The following IQCJ variants were observed in gnomAD, a reference collection of about 807,000 sequenced individuals.
IQCJ encodes IQ domain-containing protein J.
Under a neutral mutation model 11.0 loss-of-function variants are expected in IQCJ, and 9 were observed. The observed-to-expected ratio is 0.82, with a 90% CI of 0.49 to 1.43. The LOEUF (loss-of-function observed/expected upper bound fraction) is 1.43. IQCJ is among the 40% of genes most tolerant of loss of function. IQCJ has a pLI of 0.00. For synonymous variants in IQCJ, 55 were observed against 51.3 expected (o/e 1.07, Z -0.31); for missense variants, 146 against 133.2 (o/e 1.10, Z -0.47).
chr3:159,108,006 C>CAAAAAAAAAAAAAAAA (rs367862873), intron 1 of IQCJ, among the ~76,000 whole-genome samples: 2 of 100,944 alleles, frequency 2.0e-5, no homozygotes, highest in Non-Finnish European at 3.7e-5. Context: ...TATGGTTTTC[C>CAAAAAAAAAAAAAAAA]AAAAAAAAAA....
intron 1 of IQCJ, among the ~76,000 whole-genome samples, chr3:159,228,789 C>T (rs1171710995): frequency 1.6e-5 from 2 of 126,114 alleles, no homozygotes. Context: ...GGCGACAGAG[C>T]GAGACTCCGT....
intron 1 of IQCJ, among the ~76,000 whole-genome samples, chr3:159,122,274 T>G (rs7428991): frequency 2.6e-5 from 4 of 152,056 alleles, no homozygotes; most frequent in Non-Finnish European, 5.9e-5. Flanking sequence ...ATTTCAGCAT[T>G]TAAGTTTAGT....
chr3:159,149,583 G>T (rs1721098259), intron 1 of IQCJ, among the ~76,000 whole-genome samples: 2 of 152,166 alleles, frequency 1.3e-5, no homozygotes. Flanking sequence ...GAAGAGAATG[G>T]AGAAATATAA....
At chr3:159,151,456 C>T (rs568832353) in intron 1 of IQCJ, among the ~76,000 whole-genome samples, 7 of 152,352 alleles carry the variant, frequency 4.6e-5, no homozygotes, top group African/African-American at 1.7e-4. Flanking sequence ...GACAGCCTGT[C>T]TTTCTTTCCA....
chr3:159,204,793 G>T (rs1233690059), intron 1 of IQCJ, among the ~76,000 whole-genome samples: 1 of 152,216 alleles, frequency 6.6e-6, no homozygotes, highest in African/African-American at 2.4e-5. Flanking sequence ...GAGTGTGAGT[G>T]TGAATGAAGG....
intron 3 of IQCJ, among the ~76,000 whole-genome samples, chr3:159,257,505 T>C (rs1727961637): frequency 6.6e-6 from 1 of 152,098 alleles, no homozygotes; most frequent in Non-Finnish European, 1.5e-5. Context: ...CCCTGGTGCG[T>C]AGGAAGCATC....
chr3:159,241,164 C>A (rs1726896255), intron 1 of IQCJ, among the ~76,000 whole-genome samples: 1 of 151,888 alleles, frequency 6.6e-6, no homozygotes, highest in African/African-American at 2.4e-5. Context: ...AATCCCAGCA[C>A]TTTGGGAGGC....
At position 159,072,991 on chromosome 3, in the gene IQCJ, T is replaced by C. The variant is rs757561077; in HGVS notation, c.9+3550T>C. 3.0e-4 allele frequency among the ~76,000 whole-genome samples: 46 copies of C among 152,230 alleles called. 1 individual carries two copies. Among genetic ancestry groups the C allele is most frequent in the Non-Finnish European group, 2.5e-4 (17 of 67,996 alleles). On this transcript the variant is annotated intron_variant, in intron 1 of 3. Transcript: ENST00000397832. Reference sequence around the variant, plus strand: ...GGAAGAGATTCTGAGACAGAATTAGTAGTGCAAGTGGTTTATTTGAGAGTA... The same window carrying C: ...GGAAGAGATTCTGAGACAGAATTAGCAGTGCAAGTGGTTTATTTGAGAGTA...
intron 1 of IQCJ, among the ~76,000 whole-genome samples, chr3:159,220,087 T>C (rs1271480573): frequency 1.3e-5 from 2 of 152,178 alleles, no homozygotes; most frequent in Non-Finnish European, 2.9e-5. Context: ...TTCTATGACA[T>C]GTGCTCCCTT....
At position 159,263,627 on chromosome 3, in the gene IQCJ, T is replaced by C. The variant is rs1422541374; in HGVS notation, c.*896T>C. On this transcript the variant is annotated 3_prime_UTR_variant, in exon 4 of 4. Transcript: ENST00000397832. ...ATTTTTCTTTTACTTTTGGTTATCA[T>C]GTTTATTCTGTGGTAAAAAGGTTTC... 2 of 985,196 alleles carry C rather than the reference T, an allele frequency of 2.0e-6. No homozygotes were observed. Among genetic ancestry groups the C allele is most frequent in the East Asian group, 1.1e-4 (1 of 8,810 alleles). The allele number at this position is 985,196 out of a possible 1,614,324, so 61.0% of individuals were successfully genotyped here. A position where few individuals can be genotyped will look rare whatever the true frequency, so the allele number is the denominator to read the frequency against.
chr3:159,255,005 C>T (rs1011713318), intron 3 of IQCJ, among the ~76,000 whole-genome samples: 12 of 152,222 alleles, frequency 7.9e-5, no homozygotes, highest in East Asian at 7.7e-4. Flanking sequence ...TCCAGCTGAC[C>T]GTGGCATCTT....
downstream of IQCJ, among the ~76,000 whole-genome samples, chr3:159,264,798 G>C (rs1728408820): frequency 6.6e-6 from 1 of 151,952 alleles, no homozygotes; most frequent in Admixed American, 6.6e-5. Flanking sequence ...TGTAATCCCA[G>C]CTACTTGGAA....
Position 159,139,144 on chromosome 3 carries a change from A to AT in IQCJ, c.9+69713dup, listed in dbSNP as rs139743602. Among the ~76,000 whole-genome samples the AT allele has an allele frequency of 6.9e-3, 1,033 of 149,056 alleles. 10 individuals are homozygous for AT. The highest frequency in any genetic ancestry group is 0.024 in the African/African-American group (995 of 40,684). On this transcript the variant is annotated intron_variant, in intron 1 of 3. Transcript: ENST00000397832. The stretch of plus-strand genomic sequence containing the variant: ...TGAGAGAAAGATGAAATCAAGGACC[A>AT]TTTTTTTTTTCTTTCTTGGATTCTG...
intron 1 of IQCJ, among the ~76,000 whole-genome samples, chr3:159,189,723 G>A (rs575272097): frequency 1.3e-4 from 20 of 152,288 alleles, no homozygotes; most frequent in Non-Finnish European, 2.6e-4. Context: ...CTCAGGTTTG[G>A]ATAAGGCAGA....
At chr3:159,132,147 G>A (rs1720029014) in intron 1 of IQCJ, among the ~76,000 whole-genome samples, 1 of 152,134 alleles carries the variant, frequency 6.6e-6, no homozygotes. Context: ...GATTTTTACA[G>A]CCTGCTGTTT....
At chr3:159,236,042 A>G in intron 1 of IQCJ, among the ~76,000 whole-genome samples, 1 of 152,150 alleles carries the variant, frequency 6.6e-6, no homozygotes, top group East Asian at 1.9e-4. Flanking sequence ...AGTGTTAGAA[A>G]CAGGCAAATA....
chr3:159,135,784 TAGC>T (rs898164403), intron 1 of IQCJ, among the ~76,000 whole-genome samples: 5 of 152,162 alleles, frequency 3.3e-5, no homozygotes, highest in African/African-American at 1.2e-4. Context: ...AGGGGAAACT[TAGC>T]AGCAGTTTCT....
intron 1 of IQCJ, among the ~76,000 whole-genome samples, chr3:159,094,801 G>A (rs1717613408): frequency 6.6e-6 from 1 of 151,840 alleles, no homozygotes; most frequent in Non-Finnish European, 1.5e-5. Context: ...ATAATGAATG[G>A]TATTTTAGAG....
Position 159,245,912 on chromosome 3 carries a change from G to A in IQCJ, c.74+5G>A. On this transcript the variant is annotated splice_donor_5th_base_variant and intron_variant, in intron 2 of 3. Coordinates refer to ENST00000397832, the MANE Select transcript of IQCJ (RefSeq NM_001042706.3). ...TGGAAAATATTCATTTGAAAAGTAA[G>A]TAAAAAGTATTAAGTTAAATCATCT... is the stretch of plus-strand genomic sequence containing the variant. The A allele has an allele frequency of 6.5e-7, 1 of 1,528,500 alleles. No homozygotes were observed. The highest frequency in any genetic ancestry group is 8.9e-7 in the Non-Finnish European group (1 of 1,128,358). 94.7% of individuals were successfully genotyped at this position (1,528,500 alleles called of 1,614,324 possible). A position where few individuals can be genotyped will look rare whatever the true frequency, so the allele number is the denominator to read the frequency against.
Sources: gnomAD v4.1 joint callset for allele counts (sites outside exome capture counted in the v4.1 genomes callset) on GRCh38, gnomAD v4.1.1 for gene constraint, MANE v1.5 for transcripts, NCBI Gene and HGNC (gene_info 2026-07-23, HGNC 2026-07-21) for gene names.